Variants in HS6ST3 observed in about 807,000 individuals in gnomAD.
HS6ST3 encodes heparan sulfate 6-O-sulfotransferase 3.
In HS6ST3, 12 loss-of-function variants were observed where a neutral mutation model predicts 36.7. The observed-to-expected ratio is 0.33, with a 90% CI of 0.21 to 0.53. The LOEUF (loss-of-function observed/expected upper bound fraction) is 0.53, where lower values mean the gene tolerates loss of function less well. Ranked by LOEUF, HS6ST3 falls within the 20% of genes least tolerant of loss-of-function variation. The probability of loss-of-function intolerance (pLI) is 0.95; values close to 1 mark genes in which losing one functional copy is unlikely to be tolerated. For missense variants in HS6ST3, 584 were observed against 640.9 expected, an observed-to-expected ratio of 0.91 and a Z score of 0.96; for synonymous variants, 240 against 257.5, an observed-to-expected ratio of 0.93 and a Z score of 0.65.
chr13:96,543,670 T>C (rs889422529), intron 1 of HS6ST3, among the ~76,000 whole-genome samples: 9 of 152,182 alleles, frequency 5.9e-5, no homozygotes, highest in African/African-American at 1.9e-4. Context: ...TCTCCTTTCA[T>C]CTTTATTTGA....
chr13:96,754,341 G>T (rs1876772974), intron 1 of HS6ST3, among the ~76,000 whole-genome samples: 1 of 152,010 alleles, frequency 6.6e-6, no homozygotes. Flanking sequence ...TGTAATTATG[G>T]CATAAACTAG....
At chr13:96,380,955 T>A (rs1232329008) in intron 1 of HS6ST3, among the ~76,000 whole-genome samples, 1 of 152,220 alleles carries the variant, frequency 6.6e-6, no homozygotes, top group Non-Finnish European at 1.5e-5. Context: ...GTTCAGAAGA[T>A]AGATGGAGGC....
At chr13:96,117,791 G>A (rs1193298387) in intron 1 of HS6ST3, among the ~76,000 whole-genome samples, 2 of 152,056 alleles carry the variant, frequency 1.3e-5, no homozygotes, top group African/African-American at 2.4e-5. Context: ...GCCTAACAGG[G>A]ACATTGTTAT....
intron 1 of HS6ST3, among the ~76,000 whole-genome samples, chr13:96,618,799 T>G (rs1220364083): frequency 6.6e-6 from 1 of 152,162 alleles, no homozygotes; most frequent in African/African-American, 2.4e-5. Context: ...CTTACCAGCA[T>G]AGCACACAGG....
intron 1 of HS6ST3, among the ~76,000 whole-genome samples, chr13:96,740,360 A>C (rs184676438): frequency 1.4e-4 from 22 of 152,280 alleles, no homozygotes; most frequent in Non-Finnish European, 4.4e-5. Context: ...TCTGGAGAGG[A>C]ACTGGATTTC....
intron 1 of HS6ST3, among the ~76,000 whole-genome samples, chr13:96,280,574 A>T (rs2054770662): frequency 6.6e-6 from 1 of 152,216 alleles, no homozygotes; most frequent in South Asian, 2.1e-4. Context: ...CAGAGAGTTC[A>T]GACTCCCCGA....
At chr13:96,169,694 C>G (rs1867046294) in intron 1 of HS6ST3, 1 of 152,386 alleles carries the variant, frequency 6.6e-6, no homozygotes, top group Non-Finnish European at 1.5e-5. Context: ...AGGATGACCT[C>G]CTGGGAGCAG....
At chr13:96,303,173 A>G (rs182014315) in intron 1 of HS6ST3, among the ~76,000 whole-genome samples, 8 of 152,350 alleles carry the variant, frequency 5.3e-5, no homozygotes, top group Admixed American at 1.3e-4. Flanking sequence ...ACAGTTTCAT[A>G]TTAATGTTTA....
In HS6ST3 at chr13:96,253,972, A is replaced by G. The variant is rs557993831; in HGVS notation, c.707+162403A>G. Among the ~76,000 whole-genome samples the G allele has an allele frequency of 9.2e-5, 14 of 152,312 alleles. No homozygotes were observed. In the East Asian group the frequency reaches 2.5e-3, roughly 27 times the overall value. On this transcript the variant is annotated intron_variant, in intron 1 of 1. Transcript: ENST00000376705. ...TTAATTACCAAAGAAATATGTGCTT[A>G]TTACTGAAATTTCAAACATGGCATA... is the stretch of plus-strand genomic sequence containing the variant.
chr13:96,614,429 G>A lies in HS6ST3; in HGVS notation c.708-218061G>A, dbSNP rs1343057441. Among the ~76,000 whole-genome samples the A allele has an allele frequency of 2.0e-5, 3 of 151,942 alleles. No individual in the cohort carries two copies. In the East Asian group the frequency reaches 5.8e-4, roughly 29 times the overall value. On this transcript the variant is annotated intron_variant, in intron 1 of 1. Coordinates refer to ENST00000376705, the MANE Select transcript of HS6ST3 (RefSeq NM_153456.4). Reference sequence around the variant, plus strand: ...AAAGGTTTGGTGGAGAGGATGTTGGGTGTCCCAGGAGGTGAGTATTTGCAA... The same window carrying A: ...AAAGGTTTGGTGGAGAGGATGTTGGATGTCCCAGGAGGTGAGTATTTGCAA...
chr13:96,778,053 G>C (rs1322885153), intron 1 of HS6ST3, among the ~76,000 whole-genome samples: 14 of 152,080 alleles, frequency 9.2e-5, no homozygotes, highest in Non-Finnish European at 2.9e-5. Flanking sequence ...TGACAAACCT[G>C]ACAAAAACAA....
chr13:96,162,591 T>TA (rs1471215009), intron 1 of HS6ST3, among the ~76,000 whole-genome samples: 2 of 152,194 alleles, frequency 1.3e-5, no homozygotes, highest in Admixed American at 6.5e-5. Flanking sequence ...CTTGAAGGAT[T>TA]TCAAGTGTAT....
intron 1 of HS6ST3, among the ~76,000 whole-genome samples, chr13:96,582,188 T>C (rs892049415): frequency 7.2e-5 from 11 of 152,186 alleles, no homozygotes; most frequent in Admixed American, 3.9e-4. Flanking sequence ...TCTGCTGTCA[T>C]GATACAGCCT....
intron 1 of HS6ST3, among the ~76,000 whole-genome samples, chr13:96,252,962 T>C (rs2054614619): frequency 6.6e-6 from 1 of 152,146 alleles, no homozygotes; most frequent in Non-Finnish European, 1.5e-5. Flanking sequence ...CTTTTCTTTA[T>C]ATTAAATAAA....
intron 1 of HS6ST3, among the ~76,000 whole-genome samples, chr13:96,340,361 C>T (rs2055123985): frequency 1.3e-5 from 2 of 152,230 alleles, no homozygotes; most frequent in African/African-American, 4.8e-5. Flanking sequence ...CTGTCATTTA[C>T]ACTGCTCCCT....
rs61068579 is a variant in HS6ST3, at chr13:96,835,441, C to T, written c.*2243C>T. ...AGATTAGGCTCACAAAATATTTCTCCATTTCCAGTGATTTGTTCCTAAGGT... is the reference window on the plus strand; with the variant it reads ...AGATTAGGCTCACAAAATATTTCTCTATTTCCAGTGATTTGTTCCTAAGGT... On this transcript the variant is annotated 3_prime_UTR_variant, in exon 2 of 2. Coordinates refer to ENST00000376705, the MANE Select transcript of HS6ST3 (RefSeq NM_153456.4). 116 of 152,258 alleles carry T rather than the reference C, an allele frequency of 7.6e-4. 1 individual carries two copies. Among genetic ancestry groups the T allele is most frequent in the African/African-American group, 2.7e-3 (112 of 41,542 alleles). The allele number at this position is 152,258 out of a possible 1,614,324, so 9.4% of individuals were successfully genotyped here. A position where few individuals can be genotyped will look rare whatever the true frequency, so the allele number is the denominator to read the frequency against.
At chr13:96,427,648 A>G (rs542473718) in intron 1 of HS6ST3, among the ~76,000 whole-genome samples, 1 of 152,288 alleles carries the variant, frequency 6.6e-6, no homozygotes, top group South Asian at 2.1e-4. Flanking sequence ...GCTTTCCCTA[A>G]TATTTAACAT....
At chr13:96,758,494 A>G (rs566381278) in intron 1 of HS6ST3, among the ~76,000 whole-genome samples, 1 of 151,928 alleles carries the variant, frequency 6.6e-6, no homozygotes, top group South Asian at 2.1e-4. Context: ...TTTAGGTGGA[A>G]ACATATCATT....
chr13:96,151,597 G>A (rs533285092), intron 1 of HS6ST3, among the ~76,000 whole-genome samples: 1 of 152,306 alleles, frequency 6.6e-6, no homozygotes, highest in African/African-American at 2.4e-5. Context: ...TCTCAGTGCT[G>A]CTGTAACAAA....
Sources: allele counts gnomAD v4.1 joint callset (sites outside exome capture counted in the v4.1 genomes callset), GRCh38; gene constraint gnomAD v4.1.1; transcripts MANE v1.5; gene names NCBI Gene and HGNC (gene_info 2026-07-23, HGNC 2026-07-21).